The following CSMD1 variants were observed in gnomAD, a reference collection of about 807,000 sequenced individuals.
The protein encoded by CSMD1 is CUB and sushi domain-containing protein 1.
Under a neutral mutation model 417.5 loss-of-function variants are expected in CSMD1, and 213 were observed. The ratio of observed to expected loss-of-function variants is 0.51; its 90% CI spans 0.46 to 0.57. The LOEUF (loss-of-function observed/expected upper bound fraction) is 0.57. Ranked by LOEUF, CSMD1 falls within the 20% of genes least tolerant of loss-of-function variation. The probability of loss-of-function intolerance (pLI) is 0.00; values close to 1 mark genes in which losing one functional copy is unlikely to be tolerated. For synonymous variants in CSMD1, 2,862 were observed against 1,736.8 expected, an observed-to-expected ratio of 1.65 and a Z score of -16.11; for missense variants, 6,923 against 4,529.7, an observed-to-expected ratio of 1.53 and a Z score of -15.17.
intron 7 of CSMD1, among the ~76,000 whole-genome samples, chr8:3,620,229 C>T (rs773784121): frequency 6.6e-6 from 1 of 152,074 alleles, no homozygotes; most frequent in African/African-American, 2.4e-5. Flanking sequence ...TTAAGACACT[C>T]CCAGATAATC....
intron 5 of CSMD1, among the ~76,000 whole-genome samples, chr8:3,853,658 T>C (rs1489226675): frequency 1.3e-5 from 2 of 151,946 alleles, no homozygotes; most frequent in African/African-American, 2.4e-5. Context: ...CGAAGGACCA[T>C]CTTCCCTAGT....
chr8:3,566,059 A>T (rs1222155473), intron 10 of CSMD1, among the ~76,000 whole-genome samples: 1 of 152,292 alleles, frequency 6.6e-6, no homozygotes, highest in African/African-American at 2.4e-5. Flanking sequence ...GACCCTGTTT[A>T]TATCTTTCTG....
chr8:3,363,729 G>A (rs984097877), intron 20 of CSMD1, among the ~76,000 whole-genome samples: 2 of 152,020 alleles, frequency 1.3e-5, no homozygotes, highest in African/African-American at 4.8e-5. Context: ...GGCACAAAGT[G>A]GTCCAACTTT....
At chr8:4,509,995 C>T (rs886561707) in intron 2 of CSMD1, among the ~76,000 whole-genome samples, 1 of 152,116 alleles carries the variant, frequency 6.6e-6, no homozygotes, top group Non-Finnish European at 1.5e-5. Context: ...TGAAATGTAA[C>T]TCCCATAATT....
At chr8:3,177,627 C>G (rs777417113) in intron 37 of CSMD1, among the ~76,000 whole-genome samples, 19 of 152,116 alleles carry the variant, frequency 1.2e-4, no homozygotes, top group Non-Finnish European at 1.8e-4. Flanking sequence ...ACACCAAAAT[C>G]TGTCAGAGAA....
At chr8:3,901,346 T>C (rs118161581) in intron 5 of CSMD1, among the ~76,000 whole-genome samples, 1 of 152,186 alleles carries the variant, frequency 6.6e-6, no homozygotes, top group African/African-American at 2.4e-5. Flanking sequence ...CCAATTTAAT[T>C]TTTTTCAAAG....
At chr8:3,499,889 T>C (rs1313013100) in intron 10 of CSMD1, among the ~76,000 whole-genome samples, 1 of 152,104 alleles carries the variant, frequency 6.6e-6, no homozygotes, top group East Asian at 1.9e-4. Context: ...TGCAGCAGCC[T>C]GAGGCCCAGA....
intron 1 of CSMD1, among the ~76,000 whole-genome samples, chr8:4,708,926 A>G (rs1452806886): frequency 2.6e-5 from 4 of 152,204 alleles, no homozygotes; most frequent in Admixed American, 2.6e-4. Flanking sequence ...GAAGGTGGTC[A>G]TTCACAAGCC....
chr8:3,277,684 G>GT (rs1244987623), intron 26 of CSMD1, among the ~76,000 whole-genome samples: 1 of 152,154 alleles, frequency 6.6e-6, no homozygotes, highest in Non-Finnish European at 1.5e-5. Context: ...CAGGTGTTGA[G>GT]TTGCCTCTCT....
intron 3 of CSMD1, among the ~76,000 whole-genome samples, chr8:4,231,427 A>G (rs578057548): frequency 5.8e-4 from 89 of 152,356 alleles, no homozygotes; most frequent in African/African-American, 1.8e-3. Context: ...AAATTACGAT[A>G]AAAGTGATAG....
rs1217675 is a variant in CSMD1 at position 4,459,824 on chromosome 8, G to A, written c.303-39759C>T. ...AACCATACAATTTGTGGTACTTTGT[G>A]TCACTGGGCCTAGATAACTAAAGCA... On this transcript the variant is annotated intron_variant, in intron 2 of 69. Transcript: ENST00000635120. 2.0e-5 allele frequency among the ~76,000 whole-genome samples: 3 copies of A among 151,992 alleles called. No individual in the cohort carries two copies. In the East Asian group the frequency reaches 5.8e-4, roughly 29 times the overall value.
chr8:3,240,599 G>A (rs559069822), intron 26 of CSMD1, among the ~76,000 whole-genome samples: 158 of 152,128 alleles, frequency 1.0e-3, no homozygotes, highest in African/African-American at 3.6e-3. Flanking sequence ...AGTACAGCCC[G>A]GGTAATCTGC....
At chr8:3,829,316 C>A (rs1396132465) in intron 5 of CSMD1, among the ~76,000 whole-genome samples, 1 of 152,166 alleles carries the variant, frequency 6.6e-6, no homozygotes, top group Non-Finnish European at 1.5e-5. Context: ...ACTTATTCTA[C>A]AATCACCTTT....
chr8:4,124,832 C>T (rs932077223), intron 3 of CSMD1, among the ~76,000 whole-genome samples: 5 of 152,062 alleles, frequency 3.3e-5, no homozygotes, highest in African/African-American at 4.8e-5. Context: ...GGCCCACCAA[C>T]CCACAAGCAG....
intron 39 of CSMD1, among the ~76,000 whole-genome samples, chr8:3,157,013 G>C (rs529815198): frequency 1.9e-4 from 29 of 149,688 alleles, no homozygotes; most frequent in Admixed American, 9.3e-4. Context: ...AAAAAAGCAG[G>C]ATACTGCTAA....
chr8:4,914,625 T>C (rs1383366404), intron 1 of CSMD1, among the ~76,000 whole-genome samples: 1 of 149,944 alleles, frequency 6.7e-6, no homozygotes, highest in Non-Finnish European at 1.5e-5. Flanking sequence ...AATATAACGG[T>C]CGCCTTTAAC....
chr8:2,955,733 C>T lies in CSMD1; in HGVS notation c.9850G>A (p.Ala3284Thr), dbSNP rs566623371. The T allele has an allele frequency of 3.7e-5, 59 of 1,613,804 alleles. No homozygotes were observed. The highest frequency in any genetic ancestry group is 4.6e-5 in the Non-Finnish European group (54 of 1,179,790). Residue 3284 changes from alanine to threonine, a missense_variant, in exon 64 of 70, where the codon GCG becomes ACG. Transcript: ENST00000635120. Reference protein sequence around the residue: ...ACRQPETPAHADVRAIDLPTF... With the variant: ...ACRQPETPAHTDVRAIDLPTF... ...GGAAGATCGATGGCTCTCACATCCGCGTGTGCCGGGGTTTCTGGCTGTCTG... is the reference window on the plus strand; with the variant it reads ...GGAAGATCGATGGCTCTCACATCCGTGTGTGCCGGGGTTTCTGGCTGTCTG...
chr8:3,831,800 C>T (rs760595176), intron 5 of CSMD1, among the ~76,000 whole-genome samples: 8 of 152,120 alleles, frequency 5.3e-5, no homozygotes, highest in Non-Finnish European at 1.2e-4. Context: ...ACACGCGGGA[C>T]TGTGAAATGC....
intron 5 of CSMD1, among the ~76,000 whole-genome samples, chr8:3,969,396 C>T (rs1315299096): frequency 2.0e-5 from 3 of 152,170 alleles, no homozygotes; most frequent in Admixed American, 1.3e-4. Context: ...TCCAATCTCT[C>T]ACTTATACCT....
Sources: allele counts gnomAD v4.1 joint callset (sites outside exome capture counted in the v4.1 genomes callset), GRCh38; gene constraint gnomAD v4.1.1; transcripts MANE v1.5; gene names NCBI Gene and HGNC (gene_info 2026-07-23, HGNC 2026-07-21).